KIAA1958: variants seen among roughly 807,000 people sequenced by gnomAD.
KIAA1958 encodes KIAA1958, also known as uncharacterized protein KIAA1958.
KIAA1958 carries 14 observed loss-of-function variants against 47.2 expected under a neutral mutation model. The ratio of observed to expected loss-of-function variants is 0.30; its 90% CI spans 0.20 to 0.46. The LOEUF is 0.46. KIAA1958 is among the 20% of genes least tolerant of loss of function. The pLI is 1.00. For missense variants in KIAA1958, 803 were observed against 909.2 expected, an observed-to-expected ratio of 0.88 and a Z score of 1.50; for synonymous variants, 354 against 353.3, an observed-to-expected ratio of 1.00 and a Z score of -0.02.
intron 2 of KIAA1958, among the ~76,000 whole-genome samples, chr9:112,603,563 T>C (rs1293324787): frequency 1.3e-5 from 2 of 152,198 alleles, no homozygotes; most frequent in Admixed American, 1.3e-4. Flanking sequence ...TAAGCTCTAT[T>C]TGACTTCTCT....
At position 112,660,077 on chromosome 9, in the gene KIAA1958, C is replaced by G. The variant is rs778396077; in HGVS notation, c.*8C>G. On this transcript the variant is annotated 3_prime_UTR_variant, in exon 4 of 4. Coordinates refer to ENST00000337530, the MANE Select transcript of KIAA1958 (RefSeq NM_133465.4). ...CACAGCTGCTGCCAGTGAGCCCCCA[C>G]TGGGGCCCGGCCACTGCCCTGTCAC... 36 of 1,609,858 alleles carry G rather than the reference C, an allele frequency of 2.2e-5. No individual in the cohort carries two copies. Among genetic ancestry groups the G allele is most frequent in the Non-Finnish European group, 2.8e-5 (33 of 1,178,764 alleles).
intron 1 of KIAA1958, among the ~76,000 whole-genome samples, chr9:112,566,114 A>G (rs559873256): frequency 5.9e-5 from 9 of 152,214 alleles, no homozygotes; most frequent in African/African-American, 2.2e-4. Context: ...CATGTTAGCC[A>G]GGATGGTCTT....
chr9:112,646,893 G>C (rs1257889076), intron 3 of KIAA1958, among the ~76,000 whole-genome samples: 1 of 152,236 alleles, frequency 6.6e-6, no homozygotes, highest in Non-Finnish European at 1.5e-5. Context: ...AATCAGATTT[G>C]CAGATGGAAA....
intron 1 of KIAA1958, among the ~76,000 whole-genome samples, chr9:112,520,257 C>A (rs1834514670): frequency 6.6e-6 from 1 of 152,186 alleles, no homozygotes; most frequent in African/African-American, 2.4e-5. Context: ...TTAGCACTGG[C>A]TTTGAGTAGA....
chr9:112,515,894 T>TAAAAAAAAAAA (rs58492221), intron 1 of KIAA1958, among the ~76,000 whole-genome samples: 14 of 97,098 alleles, frequency 1.4e-4, no homozygotes, highest in South Asian at 4.1e-4. Flanking sequence ...AAAAATAAAT[T>TAAAAAAAAAAA]AAAAAAAAAA....
intron 2 of KIAA1958, among the ~76,000 whole-genome samples, chr9:112,644,121 T>TGA (rs1836938352): frequency 6.6e-6 from 1 of 151,868 alleles, no homozygotes; most frequent in African/African-American, 2.4e-5. Flanking sequence ...GAGGTTGCAG[T>TGA]GAGCCAAGAT....
intron 2 of KIAA1958, among the ~76,000 whole-genome samples, chr9:112,608,348 C>T (rs1010579581): frequency 6.6e-6 from 1 of 151,906 alleles, no homozygotes; most frequent in African/African-American, 2.4e-5. Flanking sequence ...ATTAGAAAAA[C>T]TAAATAATAT....
At chr9:112,639,848 T>G (rs1253231844) in intron 2 of KIAA1958, among the ~76,000 whole-genome samples, 2 of 151,948 alleles carry the variant, frequency 1.3e-5, no homozygotes, top group Non-Finnish European at 2.9e-5. Context: ...ACCAACAACT[T>G]TAAAAGTGCA....
chr9:112,600,996 A>G (rs1041869130), intron 2 of KIAA1958, among the ~76,000 whole-genome samples: 1 of 152,220 alleles, frequency 6.6e-6, no homozygotes, highest in Non-Finnish European at 1.5e-5. Context: ...GATTTCACAT[A>G]GCTCATTAAG....
In KIAA1958 at chr9:112,637,611, C is replaced by T. The variant is rs539503758; in HGVS notation, c.1172-8039C>T. ...CAGGCTGGTCTCGAACTCCAAACCTCGTGATCTGCCCACCTCGGCCTCCCA... is the reference window on the plus strand; with the variant it reads ...CAGGCTGGTCTCGAACTCCAAACCTTGTGATCTGCCCACCTCGGCCTCCCA... On this transcript the variant is annotated intron_variant, in intron 2 of 3. Coordinates refer to ENST00000337530, the MANE Select transcript of KIAA1958 (RefSeq NM_133465.4). 4.6e-5 allele frequency among the ~76,000 whole-genome samples: 7 copies of T among 152,004 alleles called. No individual in the cohort carries two copies. In the South Asian group the frequency reaches 6.3e-4, roughly 14 times the overall value.
intron 1 of KIAA1958, among the ~76,000 whole-genome samples, chr9:112,533,688 C>T (rs1343900430): frequency 6.6e-6 from 1 of 151,574 alleles, no homozygotes; most frequent in Non-Finnish European, 1.5e-5. Context: ...GGCACCTTTT[C>T]ACAGGGTGGC....
chr9:112,640,298 T>C (rs1183913757), intron 2 of KIAA1958, among the ~76,000 whole-genome samples: 5 of 152,228 alleles, frequency 3.3e-5, no homozygotes, highest in African/African-American at 4.8e-5. Flanking sequence ...AAAGCTGGAT[T>C]GTCCAAGGCA....
chr9:112,537,406 A>G (rs1834875036), intron 1 of KIAA1958, among the ~76,000 whole-genome samples: 1 of 152,212 alleles, frequency 6.6e-6, no homozygotes, highest in African/African-American at 2.4e-5. Flanking sequence ...GGGCCAGGAC[A>G]AGATATTTCA....
intron 1 of KIAA1958, among the ~76,000 whole-genome samples, chr9:112,536,787 C>G (rs1397886239): frequency 1.3e-5 from 2 of 151,966 alleles, no homozygotes; most frequent in East Asian, 1.9e-4. Context: ...TCTCCTGAAA[C>G]AAAACAGAAC....
intron 2 of KIAA1958, among the ~76,000 whole-genome samples, chr9:112,579,776 G>A (rs962380505): frequency 6.6e-6 from 1 of 152,194 alleles, no homozygotes; most frequent in Non-Finnish European, 1.5e-5. Flanking sequence ...ATTAAGGTAT[G>A]TATTACTGCC....
chr9:112,668,609 C>T lies in KIAA1958; in HGVS notation c.*8540C>T, dbSNP rs1386522113. ...CGTCAGCTCTGATGCTCAGTTTCTT[C>T]CTGGCAATAGAATGGTTTTATCTGT... On this transcript the variant is annotated 3_prime_UTR_variant, in exon 4 of 4. Coordinates refer to ENST00000337530, the MANE Select transcript of KIAA1958 (RefSeq NM_133465.4). 1 of 152,192 alleles carries T rather than the reference C, an allele frequency of 6.6e-6. No individual in the cohort carries two copies. The highest frequency in any genetic ancestry group is 1.5e-5 in the Non-Finnish European group (1 of 68,034). 9.4% of individuals were successfully genotyped at this position (152,192 alleles called of 1,614,324 possible).
intron 1 of KIAA1958, among the ~76,000 whole-genome samples, chr9:112,560,219 G>C (rs1340319319): frequency 3.9e-5 from 5 of 126,590 alleles, no homozygotes; most frequent in Non-Finnish European, 6.5e-5. Flanking sequence ...TTTTTTTGAA[G>C]AGATAGGGTC....
chr9:112,593,509 G>A (rs1006185105), intron 2 of KIAA1958, among the ~76,000 whole-genome samples: 5 of 152,204 alleles, frequency 3.3e-5, no homozygotes, highest in African/African-American at 9.7e-5. Flanking sequence ...CCATAATTGG[G>A]GTGGATAAAG....
intron 1 of KIAA1958, among the ~76,000 whole-genome samples, chr9:112,526,358 A>G (rs1010297879): frequency 6.6e-6 from 1 of 151,860 alleles, no homozygotes; most frequent in Non-Finnish European, 1.5e-5. Context: ...GGTTCAAGCA[A>G]TTCCCATGCC....
Sources: allele counts gnomAD v4.1 joint callset (sites outside exome capture counted in the v4.1 genomes callset), GRCh38; gene constraint gnomAD v4.1.1; transcripts MANE v1.5; gene names NCBI Gene and HGNC (gene_info 2026-07-23, HGNC 2026-07-21).